The following PTPRG variants were observed in gnomAD, a reference collection of about 807,000 sequenced individuals.
The protein encoded by PTPRG is protein tyrosine phosphatase receptor type G, also known as receptor-type tyrosine-protein phosphatase gamma.
A neutral mutation model predicts 165.3 loss-of-function variants in PTPRG; 102 were observed. That is an observed-to-expected ratio of 0.62 (90% CI 0.53 to 0.73). The LOEUF (loss-of-function observed/expected upper bound fraction) is 0.73, where lower values mean the gene tolerates loss of function less well. PTPRG is among the 30% of genes least tolerant of loss of function. PTPRG has a pLI of 0.00. For missense variants in PTPRG, 1,866 were observed against 1,861.4 expected (o/e 1.00, Z -0.05); for synonymous variants, 675 against 669.5 (o/e 1.01, Z -0.13).
chr3:61,583,588 G>A (rs772383599), intron 1 of PTPRG, among the ~76,000 whole-genome samples: 1 of 152,086 alleles, frequency 6.6e-6, no homozygotes, highest in Non-Finnish European at 1.5e-5. Flanking sequence ...CTACTCTTTG[G>A]GTATTGATCT....
chr3:61,774,745 T>G (rs985467784), intron 2 of PTPRG, among the ~76,000 whole-genome samples: 1 of 152,222 alleles, frequency 6.6e-6, no homozygotes, highest in African/African-American at 2.4e-5. Context: ...GATGCTTGCC[T>G]ACCGGTGTCT....
At chr3:62,258,107 A>AC (rs754185205) in intron 16 of PTPRG, among the ~76,000 whole-genome samples, 65 of 149,282 alleles carry the variant, frequency 4.4e-4, no homozygotes, top group South Asian at 6.4e-4. Flanking sequence ...CAAATTAGGA[A>AC]CCCCCCCCAC....
chr3:61,878,340 A>G (rs901480799), intron 2 of PTPRG, among the ~76,000 whole-genome samples: 7 of 152,124 alleles, frequency 4.6e-5, no homozygotes, highest in Non-Finnish European at 1.0e-4. Flanking sequence ...TAATTCTTCT[A>G]TCTCTTCTTT....
chr3:62,050,429 G>C (rs1212535117), intron 4 of PTPRG, among the ~76,000 whole-genome samples: 2 of 152,182 alleles, frequency 1.3e-5, no homozygotes, highest in African/African-American at 4.8e-5. Flanking sequence ...TAGCATCTAG[G>C]TTTATGTAAG....
At chr3:61,818,025 G>C (rs2035839859) in intron 2 of PTPRG, among the ~76,000 whole-genome samples, 1 of 152,048 alleles carries the variant, frequency 6.6e-6, no homozygotes, top group South Asian at 2.1e-4. Context: ...AGGTCATAGT[G>C]TTTGGAATCA....
intron 1 of PTPRG, among the ~76,000 whole-genome samples, chr3:61,693,119 G>C (rs1481228420): frequency 6.6e-6 from 1 of 152,176 alleles, no homozygotes; most frequent in Non-Finnish European, 1.5e-5. Context: ...AGTACAATTT[G>C]CCCATTCATT....
chr3:61,873,552 T>A (rs60347556), intron 2 of PTPRG, among the ~76,000 whole-genome samples: 1 of 152,284 alleles, frequency 6.6e-6, no homozygotes, highest in African/African-American at 2.4e-5. Flanking sequence ...TAGATAGCTG[T>A]CGGAAAAGAA....
At chr3:61,681,099 C>G (rs1463154507) in intron 1 of PTPRG, among the ~76,000 whole-genome samples, 1 of 145,230 alleles carries the variant, frequency 6.9e-6, no homozygotes, top group Non-Finnish European at 1.5e-5. Flanking sequence ...TAACAATGTC[C>G]AAACTTCCCT....
chr3:62,185,761 GC>G (rs1705854705), intron 8 of PTPRG, among the ~76,000 whole-genome samples: 1 of 152,134 alleles, frequency 6.6e-6, no homozygotes. Context: ...CCACGTACTT[GC>G]CATTGGGCCT....
At chr3:61,716,205 A>G (rs1326011892) in intron 1 of PTPRG, among the ~76,000 whole-genome samples, 1 of 152,164 alleles carries the variant, frequency 6.6e-6, no homozygotes, top group Non-Finnish European at 1.5e-5. Flanking sequence ...GGTTCCTCTA[A>G]CGTCATCTTG....
At chr3:61,823,522 C>T (rs932332309) in intron 2 of PTPRG, among the ~76,000 whole-genome samples, 18 of 151,758 alleles carry the variant, frequency 1.2e-4, no homozygotes, top group Middle Eastern at 3.4e-3. Flanking sequence ...TCATATTGCT[C>T]ATTGCAGAGG....
Position 61,922,954 on chromosome 3 carries a change from T to G in PTPRG, c.191-66671T>G, listed in dbSNP as rs568405559. ...CCATACCCCACCCAAATTAACCTCT[T>G]TAAAACATTATTTCTATCCTGCTCT... On this transcript the variant is annotated intron_variant, in intron 2 of 29. Transcript: ENST00000474889. Among the ~76,000 whole-genome samples, 8 of 152,308 alleles carry G rather than the reference T, an allele frequency of 5.3e-5. 1 individual carries two copies. The South Asian group carries it at 1.7e-3, about 32-fold the overall frequency.
chr3:61,586,435 C>T (rs965624454), intron 1 of PTPRG, among the ~76,000 whole-genome samples: 60 of 152,292 alleles, frequency 3.9e-4, no homozygotes, highest in African/African-American at 1.4e-3. Flanking sequence ...CTTCCCAGTG[C>T]AGGGGAATTG....
chr3:62,128,529 G>C (rs574986221), intron 5 of PTPRG, among the ~76,000 whole-genome samples: 4 of 151,812 alleles, frequency 2.6e-5, no homozygotes, highest in Admixed American at 2.6e-4. Context: ...TCAAGTGTTA[G>C]GTCAACTTGT....
intron 1 of PTPRG, among the ~76,000 whole-genome samples, chr3:61,671,808 G>A (rs1413213616): frequency 9.1e-5 from 13 of 142,502 alleles, no homozygotes; most frequent in South Asian, 6.9e-4. Flanking sequence ...GCGGCTGGCC[G>A]GGCAGAGGGG....
chr3:61,915,089 C>CGTG (rs2038901961), intron 2 of PTPRG, among the ~76,000 whole-genome samples: 1 of 152,070 alleles, frequency 6.6e-6, no homozygotes, highest in South Asian at 2.1e-4. Context: ...ATTAGCCGGG[C>CGTG]GTGGTGGTGC....
intron 20 of PTPRG, among the ~76,000 whole-genome samples, chr3:62,269,878 A>G (rs1168581496): frequency 1.3e-5 from 2 of 152,158 alleles, no homozygotes; most frequent in African/African-American, 4.8e-5. Flanking sequence ...CTCAGGTAGT[A>G]CTGAAGCCTA....
At chr3:62,275,234 A>G (rs1702193436) in intron 23 of PTPRG, among the ~76,000 whole-genome samples, 1 of 152,244 alleles carries the variant, frequency 6.6e-6, no homozygotes, top group South Asian at 2.1e-4. Context: ...TCAGTTCAAC[A>G]GAAATGTACT....
chr3:61,987,483 G>C (rs1234395043), intron 2 of PTPRG, among the ~76,000 whole-genome samples: 1 of 152,182 alleles, frequency 6.6e-6, no homozygotes, highest in Non-Finnish European at 1.5e-5. Flanking sequence ...AGTAGGAGGA[G>C]AATTATCAGG....
Sources: gnomAD v4.1 joint callset for allele counts (sites outside exome capture counted in the v4.1 genomes callset) on GRCh38, gnomAD v4.1.1 for gene constraint, MANE v1.5 for transcripts, NCBI Gene and HGNC (gene_info 2026-07-23, HGNC 2026-07-21) for gene names.